SEMA3A: variants seen among roughly 807,000 people sequenced by gnomAD.
SEMA3A encodes the protein semaphorin-3A.
A neutral mutation model predicts 97.9 loss-of-function variants in SEMA3A; 29 were observed. That is an observed-to-expected ratio of 0.30 (90% CI 0.22 to 0.40). The LOEUF is 0.40. SEMA3A is among the 10% of genes least tolerant of loss of function. The pLI is 1.00. For missense variants in SEMA3A, 763 were observed against 951.3 expected, an observed-to-expected ratio of 0.80 and a Z score of 2.60; for synonymous variants, 321 against 323.7, an observed-to-expected ratio of 0.99 and a Z score of 0.09.
At chr7:84,118,598 C>T (rs1410680523) in intron 3 of SEMA3A, among the ~76,000 whole-genome samples, 2 of 152,134 alleles carry the variant, frequency 1.3e-5, no homozygotes, top group African/African-American at 2.4e-5. Context: ...AAGACTGAGT[C>T]CTGATACTTG....
chr7:84,267,600 G>A (rs750550895), intron 3 of SEMA3A, among the ~76,000 whole-genome samples: 2 of 151,988 alleles, frequency 1.3e-5, no homozygotes. Context: ...AGTTTTATTT[G>A]CAAGTTTTGA....
chr7:84,453,156 G>C (rs1024301672), intron 1 of SEMA3A, among the ~76,000 whole-genome samples: 13 of 151,750 alleles, frequency 8.6e-5, no homozygotes, highest in African/African-American at 3.1e-4. Flanking sequence ...AATACCTACT[G>C]CTAAGCAAAT....
chr7:84,052,107 G>A (rs1221473959), intron 5 of SEMA3A, among the ~76,000 whole-genome samples: 1 of 152,096 alleles, frequency 6.6e-6, no homozygotes, highest in African/African-American at 2.4e-5. Context: ...ACTGGATTCG[G>A]TTTGCCAGTA....
intron 4 of SEMA3A, among the ~76,000 whole-genome samples, chr7:84,061,600 A>G (rs559932508): frequency 2.0e-5 from 3 of 152,240 alleles, no homozygotes; most frequent in South Asian, 2.1e-4. Context: ...ACATAAAAGT[A>G]TTTTCTACCA....
At chr7:84,467,867 C>T (rs1400647845) in intron 1 of SEMA3A, among the ~76,000 whole-genome samples, 1 of 152,046 alleles carries the variant, frequency 6.6e-6, no homozygotes, top group African/African-American at 2.4e-5. Flanking sequence ...TTCAACATGC[C>T]TGTGTATAAC....
At chr7:84,439,983 C>G (rs1805233595) in intron 1 of SEMA3A, among the ~76,000 whole-genome samples, 1 of 152,058 alleles carries the variant, frequency 6.6e-6, no homozygotes, top group South Asian at 2.1e-4. Context: ...GTATTAGGCA[C>G]TATACTTGAT....
At chr7:84,405,573 C>A (rs1211047101) in intron 1 of SEMA3A, among the ~76,000 whole-genome samples, 1 of 152,160 alleles carries the variant, frequency 6.6e-6, no homozygotes, top group Non-Finnish European at 1.5e-5. Context: ...ACTCTCCACC[C>A]CAAATCAACA....
chr7:84,348,187 C>T (rs543381434), intron 2 of SEMA3A, among the ~76,000 whole-genome samples: 2 of 152,048 alleles, frequency 1.3e-5, no homozygotes, highest in Non-Finnish European at 2.9e-5. Context: ...ATTAATGTGG[C>T]TTTGCTAAAC....
chr7:84,302,784 T>C (rs1801052051), intron 3 of SEMA3A, among the ~76,000 whole-genome samples: 1 of 152,158 alleles, frequency 6.6e-6, no homozygotes, highest in African/African-American at 2.4e-5. Context: ...AGCCAGATCT[T>C]ACTACATAAG....
chr7:84,378,927 T>C (rs1004980774), intron 1 of SEMA3A, among the ~76,000 whole-genome samples: 2 of 147,198 alleles, frequency 1.4e-5, no homozygotes, highest in Admixed American at 1.4e-4. Context: ...GTTGTTGTTG[T>C]TTTGTTTTGT....
At chr7:84,190,992 G>T (rs928823720) in intron 1 of SEMA3A, among the ~76,000 whole-genome samples, 1 of 148,266 alleles carries the variant, frequency 6.7e-6, no homozygotes, top group Non-Finnish European at 1.5e-5. Flanking sequence ...CACAAATACT[G>T]CTCTGGTGAA....
intron 2 of SEMA3A, among the ~76,000 whole-genome samples, chr7:84,354,038 A>C (rs1435005810): frequency 1.3e-5 from 2 of 151,750 alleles, no homozygotes; most frequent in African/African-American, 4.8e-5. Flanking sequence ...TACTGAAAAA[A>C]GAAAGAAATA....
chr7:84,199,294 C>T (rs1014743629), upstream of SEMA3A, among the ~76,000 whole-genome samples: 6 of 152,134 alleles, frequency 3.9e-5, no homozygotes, highest in African/African-American at 1.4e-4. Flanking sequence ...AATAACCTCA[C>T]CTCTTTCTGC....
At chr7:84,263,244 T>C (rs1439903172) in intron 3 of SEMA3A, among the ~76,000 whole-genome samples, 1 of 152,182 alleles carries the variant, frequency 6.6e-6, no homozygotes, top group Admixed American at 6.5e-5. Context: ...TCTTATTCAG[T>C]CTTGCGGACA....
intron 2 of SEMA3A, among the ~76,000 whole-genome samples, chr7:84,129,837 A>C (rs1337081679): frequency 6.6e-6 from 1 of 152,034 alleles, no homozygotes; most frequent in East Asian, 1.9e-4. Flanking sequence ...ACCCTCTCTA[A>C]TGTGGGCTAA....
intron 1 of SEMA3A, among the ~76,000 whole-genome samples, chr7:84,380,522 G>T (rs879341779): frequency 2.0e-5 from 3 of 152,116 alleles, no homozygotes; most frequent in Non-Finnish European, 4.4e-5. Context: ...GGCAGTGGAA[G>T]GGTGAGGACA....
At chr7:84,131,324 C>CT (rs1400001291) in intron 2 of SEMA3A, among the ~76,000 whole-genome samples, 3 of 152,042 alleles carry the variant, frequency 2.0e-5, no homozygotes, top group Non-Finnish European at 4.4e-5. Context: ...TTGGAATTCT[C>CT]TTTTTATTCT....
chr7:84,179,663 T>C (rs1047456723), intron 1 of SEMA3A, among the ~76,000 whole-genome samples: 4 of 152,144 alleles, frequency 2.6e-5, no homozygotes, highest in Admixed American at 2.6e-4. Context: ...CCTATGTTTC[T>C]TTCTACTCCT....
chr7:84,007,602 G>A (rs1388523956), intron 9 of SEMA3A, 105 bp from the exon 10 acceptor site: 1 of 921,560 alleles, frequency 1.1e-6, no homozygotes, highest in Non-Finnish European at 1.5e-6. Context: ...ATTAAAATAT[G>A]AATATAAATT....
Sources: allele counts gnomAD v4.1 joint callset (sites outside exome capture counted in the v4.1 genomes callset), GRCh38; gene constraint gnomAD v4.1.1; transcripts MANE v1.5; gene names NCBI Gene and HGNC (gene_info 2026-07-23, HGNC 2026-07-21).